SEZ6L2: variants seen among roughly 807,000 people sequenced by gnomAD.
SEZ6L2 encodes the protein seizure 6-like protein 2.
SEZ6L2 carries 44 observed loss-of-function variants against 97.0 expected under a neutral mutation model. The observed-to-expected ratio is 0.45, with a 90% CI of 0.36 to 0.58. The LOEUF (loss-of-function observed/expected upper bound fraction) is 0.58, where lower values mean the gene tolerates loss of function less well. Ranked by LOEUF, SEZ6L2 falls within the 20% of genes least tolerant of loss-of-function variation. The pLI, the probability that SEZ6L2 is intolerant of heterozygous loss-of-function variation, is 0.00. For synonymous variants in SEZ6L2, 543 were observed against 546.1 expected, an observed-to-expected ratio of 0.99 and a Z score of 0.08; for missense variants, 1,086 against 1,233.3, an observed-to-expected ratio of 0.88 and a Z score of 1.79.
At chr16:29,892,267 C>A (rs1230065513) in intron 5 of SEZ6L2, among the ~76,000 whole-genome samples, 1 of 152,202 alleles carries the variant, frequency 6.6e-6, no homozygotes, top group African/African-American at 2.4e-5. Flanking sequence ...CCAAAGGTAC[C>A]CAGTGCAGCT....
At position 29,873,455 on chromosome 16, in the gene SEZ6L2, T is replaced by C. The variant is rs747766017; in HGVS notation, c.2297-24A>G. Reference sequence around the variant, plus strand: ...CACTGCGGGGAGCATGCCAGTCACGTGCCAGCTGCACTACTGTGCACGGGG... The same window carrying C: ...CACTGCGGGGAGCATGCCAGTCACGCGCCAGCTGCACTACTGTGCACGGGG... On this transcript the variant is annotated intron_variant, in intron 13 of 17. Transcript: ENST00000617533. This position sits in a 1 kb window ranked among gnomAD's most constrained non-coding sequence, Gnocchi z 4.3. 5 of 1,614,118 alleles carry C rather than the reference T, an allele frequency of 3.1e-6. No homozygotes were observed. Among genetic ancestry groups the C allele is most frequent in the Non-Finnish European group, 3.4e-6 (4 of 1,179,984 alleles).
intron 8 of SEZ6L2, among the ~76,000 whole-genome samples, chr16:29,882,251 ATGAGCCAC>A (rs891146331): frequency 6.6e-6 from 1 of 151,700 alleles, no homozygotes; most frequent in East Asian, 2.0e-4. Context: ...GATTACAGGC[ATGAGCCAC>A]TGTGCCCGGG....
Position 29,896,916 on chromosome 16 carries a change from G to A in SEZ6L2, c.417C>T (p.Ser139=). Residue 139 remains serine, a synonymous_variant, in exon 3 of 18, where the codon TCC becomes TCT. Coordinates refer to ENST00000617533, the MANE Select transcript of SEZ6L2 (RefSeq NM_001243332.2). ...CCTCAGGCCCAAGGGGAGGCCCTGG[G>A]GAGGCAGGGCTGGGTGGGGGTGGGG... ...TTAPPPPSPA[S]PGPPLGPEGG... is the part of the protein sequence containing the mutation. The A allele has an allele frequency of 6.2e-7, 1 of 1,613,104 alleles. No individual in the cohort carries two copies. The highest frequency in any genetic ancestry group is 8.5e-7 in the Non-Finnish European group (1 of 1,179,406).
chr16:29,878,462 G>A lies in SEZ6L2; in HGVS notation c.1574-37C>T, dbSNP rs890618841. 11 of 1,550,014 alleles carry A rather than the reference G, an allele frequency of 7.1e-6. No homozygotes were observed. The African/African-American group carries it at 1.2e-4, about 17-fold the overall frequency. The stretch of plus-strand genomic sequence containing the variant: ...GGGGTGTCAGGTTCAGGACCCAGGT[G>A]GGCATGCTGTCTTCATTTCTCCACA... On this transcript the variant is annotated intron_variant, in intron 9 of 17. Coordinates refer to ENST00000617533, the MANE Select transcript of SEZ6L2 (RefSeq NM_001243332.2).
At position 29,871,483 on chromosome 16, in the gene SEZ6L2, G is replaced by T. The variant is rs570973787; in HGVS notation, c.*216C>A. ...CGGTAGGGCGGGGGGCAGGCCCCTC[G>T]TTTGGCAACTGAGAAGAGGCGGCTT... On this transcript the variant is annotated 3_prime_UTR_variant, in exon 18 of 18. Coordinates refer to ENST00000617533, the MANE Select transcript of SEZ6L2 (RefSeq NM_001243332.2). 1.6e-6 allele frequency: 1 copy of T among 610,510 alleles called. No homozygotes were observed. Among genetic ancestry groups the T allele is most frequent in the Admixed American group, 2.8e-5 (1 of 36,136 alleles). 37.8% of individuals were successfully genotyped at this position (610,510 alleles called of 1,614,324 possible).
intron 5 of SEZ6L2, among the ~76,000 whole-genome samples, chr16:29,890,222 T>C (rs576580704): frequency 3.9e-5 from 6 of 152,204 alleles, no homozygotes; most frequent in South Asian, 2.1e-4. Context: ...GACAAAATAG[T>C]CTTTAAAGGC....
rs371859083 is a variant in SEZ6L2 at position 29,888,744 on chromosome 16, G to A, written c.854-19C>T. The A allele has an allele frequency of 3.6e-5, 58 of 1,595,584 alleles. No individual in the cohort carries two copies. Among genetic ancestry groups the A allele is most frequent in the Middle Eastern group, 1.8e-4 (1 of 5,566 alleles). ...AGGTAGGCTGCACCAGACAGACAGC[G>A]GGTAGCAGGGCTCACTTTCCCATGC... On this transcript the variant is annotated intron_variant, in intron 5 of 17. Transcript: ENST00000617533.
rs1240076634 is a variant in SEZ6L2, at chr16:29,872,731, TC to T, written c.2500del (p.Glu834SerfsTer10). 6.2e-7 allele frequency: 1 copy of T among 1,610,640 alleles called. No individual in the cohort carries two copies. The highest frequency in any genetic ancestry group is 2.2e-5 in the East Asian group (1 of 44,770). ...QPPLCKVAYE[E>X]LLDNRKLEVT... ...TTCCAGTTTTCGGTTGTCCAGGAGC[TC>T]CTCATAGGCAACTGCAGGGAGAGGA... On this transcript the variant is annotated frameshift_variant, in exon 15 of 18. Coordinates refer to ENST00000617533, the MANE Select transcript of SEZ6L2 (RefSeq NM_001243332.2). LOFTEE classifies it high-confidence loss of function.
In SEZ6L2 at chr16:29,877,386, T is replaced by A. The variant is rs758490675; in HGVS notation, c.1794A>T (p.Gly598=). ...AGAGAAGGCGGCGGCGCGGCTGAGG[T>A]CCCCGCAGCTGGGCCAAGACTCGGG... The part of the protein sequence containing the change: ...PSARVLAQLR[G]PQPRRRLLSS... The change falls in exon 11 of 18, where the codon GGA becomes GGT. Residue 598 remains glycine, a synonymous_variant. Transcript: ENST00000617533. 1.9e-6 allele frequency: 3 copies of A among 1,612,978 alleles called. No homozygotes were observed. The South Asian group carries it at 3.3e-5, about 18-fold the overall frequency.
At position 29,882,526 on chromosome 16, in the gene SEZ6L2, G is replaced by A. The variant is rs1434170355; in HGVS notation, c.1373-2462C>T. ...CGGAAGGCGGAGGTTGCAGTGAGCCGAGATTGCGCCATTGCACTCCAGCCT... is the reference window on the plus strand; with the variant it reads ...CGGAAGGCGGAGGTTGCAGTGAGCCAAGATTGCGCCATTGCACTCCAGCCT... On this transcript the variant is annotated intron_variant, in intron 8 of 17. Transcript: ENST00000617533. Among the ~76,000 whole-genome samples the A allele has an allele frequency of 4.6e-5, 7 of 150,832 alleles. No individual in the cohort carries two copies. The East Asian group carries it at 9.8e-4, about 21-fold the overall frequency.
Position 29,878,362 on chromosome 16 carries a change from C to A in SEZ6L2, c.1637G>T (p.Ser546Ile). 6.2e-7 allele frequency: 1 copy of A among 1,608,408 alleles called. No homozygotes were observed. The highest frequency in any genetic ancestry group is 8.5e-7 in the Non-Finnish European group (1 of 1,176,952). The change falls in exon 10 of 18, where the codon AGC becomes ATC. Residue 546 changes from serine to isoleucine, a missense_variant. This residue lies in a region of SEZ6L2 where 776 missense variants were observed against 794.7 expected (regional missense o/e 0.98). Coordinates refer to ENST00000617533, the MANE Select transcript of SEZ6L2 (RefSeq NM_001243332.2). ...CACGCAGTCTTGGCCCGGGCTATAG[C>A]TCTGGGGCCAGTCGGGAGAGAGGAC... Reference protein sequence around the residue: ...GVVLSPDWPQSYSPGQDCVWG... With the variant: ...GVVLSPDWPQIYSPGQDCVWG...
At chr16:29,889,790 G>A (rs1014324164) in intron 5 of SEZ6L2, among the ~76,000 whole-genome samples, 2 of 150,468 alleles carry the variant, frequency 1.3e-5, no homozygotes, top group East Asian at 1.9e-4. Flanking sequence ...ACCATGCCCC[G>A]CTAATTTTTA....
Position 29,873,194 on chromosome 16 carries a change from C to A in SEZ6L2, c.2488+46G>T. ...CTACCTGACTCTCCCAGCCCTGTCA[C>A]TTCCCGGACACTGGTGTGCCCCTCC... On this transcript the variant is annotated intron_variant, in intron 14 of 17. Coordinates refer to ENST00000617533, the MANE Select transcript of SEZ6L2 (RefSeq NM_001243332.2). The surrounding 1 kb of genome is among the most constrained non-coding windows in gnomAD (Gnocchi z 4.3). 1 of 1,603,544 alleles carries A rather than the reference C, an allele frequency of 6.2e-7. No individual in the cohort carries two copies. The highest frequency in any genetic ancestry group is 8.5e-7 in the Non-Finnish European group (1 of 1,173,936).
At chr16:29,883,882 T>C (rs543165742) in intron 8 of SEZ6L2, among the ~76,000 whole-genome samples, 2 of 151,882 alleles carry the variant, frequency 1.3e-5, no homozygotes, top group Admixed American at 6.6e-5. Context: ...CAGTGAACCA[T>C]GATCGGGCCA....
At chr16:29,875,698 C>CGTG in intron 12 of SEZ6L2, among the ~76,000 whole-genome samples, 1 of 144,022 alleles carries the variant, frequency 6.9e-6, no homozygotes, top group East Asian at 2.1e-4. Context: ...GTATCACTCC[C>CGTG]GTGGCGCAGG....
At chr16:29,883,184 G>T (rs2068063343) in intron 8 of SEZ6L2, among the ~76,000 whole-genome samples, 1 of 151,996 alleles carries the variant, frequency 6.6e-6, no homozygotes, top group Non-Finnish European at 1.5e-5. Context: ...TCATCTTTTT[G>T]GTCTCTCTCT....
At chr16:29,889,571 C>T (rs946654258) in intron 5 of SEZ6L2, among the ~76,000 whole-genome samples, 2 of 150,954 alleles carry the variant, frequency 1.3e-5, no homozygotes, top group Non-Finnish European at 2.9e-5. Context: ...TGTGGTATAC[C>T]CTCAGCTCCT....
In SEZ6L2 at chr16:29,898,999, C is replaced by A. The variant is rs1164362698; in HGVS notation, c.21G>T (p.Gln7His). ...ACAGCAGCTGGGGAGGCGGCGGGTGCTGGGCCCTGGGAGTCCCCATGGCGA... is the reference window on the plus strand; with the variant it reads ...ACAGCAGCTGGGGAGGCGGCGGGTGATGGGCCCTGGGAGTCCCCATGGCGA... MGTPRA[Q>H]HPPPPQLLFL... Residue 7 changes from glutamine to histidine, a missense_variant, in exon 1 of 18, where the codon CAG becomes CAT. This residue lies in a region of SEZ6L2 where 776 missense variants were observed against 794.7 expected (regional missense o/e 0.98). Transcript: ENST00000617533. 1.2e-6 allele frequency: 2 copies of A among 1,610,730 alleles called. No individual in the cohort carries two copies. The highest frequency in any genetic ancestry group is 2.7e-5 in the African/African-American group (2 of 74,826).
At chr16:29,893,866 G>T (rs575356537) in intron 5 of SEZ6L2, among the ~76,000 whole-genome samples, 1 of 152,002 alleles carries the variant, frequency 6.6e-6, no homozygotes, top group Admixed American at 6.6e-5. Flanking sequence ...CACGCTGTTT[G>T]TGTTTTTGTT....
Sources: gnomAD v4.1 joint callset for allele counts (sites outside exome capture counted in the v4.1 genomes callset) on GRCh38, gnomAD v4.1.1 for gene constraint, gnomAD v4.1.1 regional missense constraint, Gnocchi (gnomAD v3.1) non-coding constraint, MANE v1.5 for transcripts, NCBI Gene and HGNC (gene_info 2026-07-23, HGNC 2026-07-21) for gene names.